The following ALCAM variants were observed in gnomAD, a reference collection of about 807,000 sequenced individuals.
ALCAM encodes CD166 antigen.
Under a neutral mutation model 70.9 loss-of-function variants are expected in ALCAM, and 30 were observed. The ratio of observed to expected loss-of-function variants is 0.42; its 90% CI spans 0.32 to 0.57. ALCAM has a LOEUF of 0.57. Ranked by LOEUF, ALCAM falls within the 20% of genes least tolerant of loss-of-function variation. The probability of loss-of-function intolerance (pLI) is 0.11; values close to 1 mark genes in which losing one functional copy is unlikely to be tolerated. For synonymous variants in ALCAM, 249 were observed against 242.5 expected (o/e 1.03, Z -0.25); for missense variants, 591 against 695.1 (o/e 0.85, Z 1.68).
At chr3:105,428,760 T>G (rs562755379) in intron 1 of ALCAM, among the ~76,000 whole-genome samples, 1 of 151,916 alleles carries the variant, frequency 6.6e-6, no homozygotes. Flanking sequence ...CTGAAGTAAA[T>G]AAATTGAAAA....
intron 14 of ALCAM, among the ~76,000 whole-genome samples, chr3:105,560,650 A>C (rs1300687497): frequency 1.3e-5 from 2 of 152,154 alleles, no homozygotes; most frequent in African/African-American, 2.4e-5. Flanking sequence ...TATCTCCTAG[A>C]AACTTCTAAA....
intron 11 of ALCAM, 89 bp from the exon 12 acceptor site, chr3:105,550,038 C>T (rs562922496): frequency 7.9e-6 from 10 of 1,270,882 alleles, no homozygotes; most frequent in Middle Eastern, 5.5e-4. Flanking sequence ...TAGAGCACCA[C>T]GCCTATCCTA....
intron 1 of ALCAM, among the ~76,000 whole-genome samples, chr3:105,422,592 T>C (rs891965620): frequency 6.6e-6 from 1 of 151,486 alleles, no homozygotes; most frequent in African/African-American, 2.4e-5. Flanking sequence ...TATGGCGCTG[T>C]TGTAATCATT....
chr3:105,539,664 C>G (rs558513918), intron 6 of ALCAM, among the ~76,000 whole-genome samples: 14 of 152,074 alleles, frequency 9.2e-5, no homozygotes, highest in Middle Eastern at 3.4e-3. Flanking sequence ...TATCATAAAG[C>G]CATGCAGTTT....
At chr3:105,371,962 C>T (rs1273475325) in intron 1 of ALCAM, among the ~76,000 whole-genome samples, 1 of 152,152 alleles carries the variant, frequency 6.6e-6, no homozygotes, top group African/African-American at 2.4e-5. Flanking sequence ...GTGTGTGACA[C>T]ATGTATGTGA....
At chr3:105,375,185 A>G (rs1935344910) in intron 1 of ALCAM, among the ~76,000 whole-genome samples, 1 of 152,150 alleles carries the variant, frequency 6.6e-6, no homozygotes, top group Non-Finnish European at 1.5e-5. Context: ...TAATATGCAT[A>G]TTATTAGTAG....
chr3:105,459,755 G>A (rs1417757303), intron 1 of ALCAM, among the ~76,000 whole-genome samples: 1 of 152,002 alleles, frequency 6.6e-6, no homozygotes, highest in East Asian at 1.9e-4. Context: ...CTTCTAAAAT[G>A]ATGACATCAT....
At chr3:105,421,503 G>A (rs1936650106) in intron 1 of ALCAM, among the ~76,000 whole-genome samples, 1 of 151,372 alleles carries the variant, frequency 6.6e-6, no homozygotes, top group East Asian at 1.9e-4. Flanking sequence ...AAGACAAATA[G>A]ATTACTTTTA....
intron 1 of ALCAM, among the ~76,000 whole-genome samples, chr3:105,414,957 G>A (rs1242961975): frequency 6.6e-6 from 1 of 152,038 alleles, no homozygotes; most frequent in Non-Finnish European, 1.5e-5. Flanking sequence ...TGAAGATAAG[G>A]GGAAAAAGCA....
intron 1 of ALCAM, among the ~76,000 whole-genome samples, chr3:105,399,252 A>G (rs1936027371): frequency 6.6e-6 from 1 of 152,078 alleles, no homozygotes; most frequent in Non-Finnish European, 1.5e-5. Flanking sequence ...TTCAGTAAAT[A>G]TTTGCTGACC....
intron 1 of ALCAM, among the ~76,000 whole-genome samples, chr3:105,409,486 CAT>C (rs1369364996): frequency 6.6e-6 from 1 of 152,022 alleles, no homozygotes; most frequent in Non-Finnish European, 1.5e-5. Context: ...TATTTTCACT[CAT>C]ATGTGGGAGC....
chr3:105,544,924 T>C (rs762089898), intron 8 of ALCAM: 5 of 285,228 alleles, frequency 1.8e-5, no homozygotes, highest in Non-Finnish European at 3.4e-5. Flanking sequence ...GATTTTTTTT[T>C]CTTAAGGTGA....
intron 1 of ALCAM, among the ~76,000 whole-genome samples, chr3:105,393,601 C>T (rs1345053443): frequency 6.6e-6 from 1 of 151,838 alleles, no homozygotes; most frequent in Non-Finnish European, 1.5e-5. Flanking sequence ...CTTATACTCA[C>T]TCTTAGAATT....
At chr3:105,505,511 G>T (rs1320511826) in intron 1 of ALCAM, among the ~76,000 whole-genome samples, 1 of 152,150 alleles carries the variant, frequency 6.6e-6, no homozygotes, top group Non-Finnish European at 1.5e-5. Flanking sequence ...TTAGACATGA[G>T]ATTTGTGCAG....
intron 1 of ALCAM, among the ~76,000 whole-genome samples, chr3:105,470,716 A>G (rs769356613): frequency 7.1e-4 from 107 of 151,324 alleles, no homozygotes; most frequent in Non-Finnish European, 1.1e-3. Context: ...AAGACAACCT[A>G]TAAGTGTAAA....
chr3:105,451,333 G>T (rs1937423178), intron 1 of ALCAM, among the ~76,000 whole-genome samples: 1 of 150,768 alleles, frequency 6.6e-6, no homozygotes, highest in South Asian at 2.1e-4. Flanking sequence ...AAAGGAGGGA[G>T]GGATAAAGAT....
chr3:105,389,560 A>G (rs1290289574), intron 1 of ALCAM, among the ~76,000 whole-genome samples: 3 of 151,292 alleles, frequency 2.0e-5, no homozygotes, highest in Non-Finnish European at 1.5e-5. Flanking sequence ...GTGCAAAATT[A>G]GTATTATTTT....
intron 1 of ALCAM, among the ~76,000 whole-genome samples, chr3:105,403,947 G>A (rs1395314115): frequency 2.0e-5 from 3 of 151,020 alleles, no homozygotes; most frequent in Non-Finnish European, 4.4e-5. Context: ...AAATGTACTA[G>A]AAAGTATCAG....
intron 11 of ALCAM, among the ~76,000 whole-genome samples, chr3:105,547,951 C>T (rs1940292219): frequency 6.6e-6 from 1 of 151,362 alleles, no homozygotes; most frequent in African/African-American, 2.4e-5. Flanking sequence ...AGGGGTGTTA[C>T]TTCTTAAAAC....
Sources: gnomAD v4.1 joint callset for allele counts (sites outside exome capture counted in the v4.1 genomes callset) on GRCh38, gnomAD v4.1.1 for gene constraint, MANE v1.5 for transcripts, NCBI Gene and HGNC (gene_info 2026-07-23, HGNC 2026-07-21) for gene names.